Variants in RPS6KC1 observed in about 807,000 individuals in gnomAD.
RPS6KC1 encodes the protein ribosomal protein S6 kinase C1, also known as inactive ribosomal protein S6 kinase delta-1.
RPS6KC1 carries 54 observed loss-of-function variants against 103.8 expected under a neutral mutation model. The ratio of observed to expected loss-of-function variants is 0.52; its 90% CI spans 0.42 to 0.65. The LOEUF is 0.65. Among genes scored for constraint, RPS6KC1 ranks in the 30% least tolerant of loss-of-function variants. The pLI is 0.00. For missense variants in RPS6KC1, 1,151 were observed against 1,253.8 expected, an observed-to-expected ratio of 0.92 and a Z score of 1.24; for synonymous variants, 439 against 438.7, an observed-to-expected ratio of 1.00 and a Z score of -0.01.
At chr1:213,833,859 C>A in the RPS6KC1 span, among the ~76,000 whole-genome samples, 1 of 152,120 alleles carries the variant, frequency 6.6e-6, no homozygotes, top group African/African-American at 2.4e-5. Context: ...TTTTGAGTCT[C>A]ATTTACACCA....
the RPS6KC1 span, among the ~76,000 whole-genome samples, chr1:213,754,954 G>C: frequency 6.6e-6 from 1 of 152,146 alleles, no homozygotes; most frequent in Non-Finnish European, 1.5e-5. Context: ...ATTATCTTTT[G>C]CTTAATTTAA....
chr1:213,711,626 G>T, the RPS6KC1 span, among the ~76,000 whole-genome samples: 2 of 152,094 alleles, frequency 1.3e-5, no homozygotes, highest in Non-Finnish European at 1.5e-5. Flanking sequence ...TTTTGTGCTG[G>T]TTTTTCCTCA....
the RPS6KC1 span, among the ~76,000 whole-genome samples, chr1:213,369,504 G>T: frequency 6.6e-6 from 1 of 152,202 alleles, no homozygotes; most frequent in Non-Finnish European, 1.5e-5. Context: ...AGCCAAGCTC[G>T]CAATTCCACT....
chr1:213,307,956 TCTGTGCCAGCCTTGAGTGGTCACAGGG>T, the RPS6KC1 span, among the ~76,000 whole-genome samples: 1 of 152,156 alleles, frequency 6.6e-6, no homozygotes, highest in Non-Finnish European at 1.5e-5. Context: ...CAAGTCAAGG[TCTGTGCCAGCCTTGAGTGGTCACAGGG>T]CTGTTCAATG....
the RPS6KC1 span, chr1:213,839,840 G>T: frequency 6.6e-6 from 1 of 152,138 alleles, no homozygotes; most frequent in East Asian, 1.9e-4. Context: ...TAGGGTTATT[G>T]TGGGGCTTAA....
chr1:213,088,984 T>G (rs1413665578), intron 3 of RPS6KC1, among the ~76,000 whole-genome samples: 1 of 152,250 alleles, frequency 6.6e-6, no homozygotes, highest in African/African-American at 2.4e-5. Flanking sequence ...TGTGCCAGAA[T>G]GAAGTGATCA....
chr1:213,247,037 G>A (rs558850895), intron 12 of RPS6KC1, among the ~76,000 whole-genome samples: 1 of 152,300 alleles, frequency 6.6e-6, no homozygotes, highest in South Asian at 2.1e-4. Flanking sequence ...TCCTATCAGT[G>A]TGTGTCCTTC....
the RPS6KC1 span, among the ~76,000 whole-genome samples, chr1:213,699,396 T>A: frequency 6.6e-6 from 1 of 152,194 alleles, no homozygotes; most frequent in African/African-American, 2.4e-5. Context: ...CAGGATCTCA[T>A]TTTTTAATGG....
intron 8 of RPS6KC1, among the ~76,000 whole-genome samples, chr1:213,225,558 T>C (rs1459044072): frequency 6.6e-6 from 1 of 152,050 alleles, no homozygotes; most frequent in African/African-American, 2.4e-5. Context: ...CCGGCTAATT[T>C]TTGTATTTTT....
At position 213,188,945 on chromosome 1, in the gene RPS6KC1, GTCAC is replaced by G. The variant is rs1286392855; in HGVS notation, c.1044+12456_1044+12459del. On this transcript the variant is annotated intron_variant, in intron 8 of 14. Coordinates refer to ENST00000366960, the MANE Select transcript of RPS6KC1 (RefSeq NM_012424.6). ...TTTCAAAAAAGAGTAAGGTGGGAGAGTCACTCTGTTTGATTTCATGACTTTACAG... is the reference window on the plus strand; with the variant it reads ...TTTCAAAAAAGAGTAAGGTGGGAGAGTCTGTTTGATTTCATGACTTTACAG... Among the ~76,000 whole-genome samples, 5 of 152,066 alleles carry G rather than the reference GTCAC, an allele frequency of 3.3e-5. No homozygotes were observed. The East Asian group carries it at 7.8e-4, about 24-fold the overall frequency.
the RPS6KC1 span, among the ~76,000 whole-genome samples, chr1:213,719,403 G>C: frequency 1.3e-5 from 2 of 152,062 alleles, no homozygotes; most frequent in Non-Finnish European, 2.9e-5. Flanking sequence ...TTAGAACAGT[G>C]ACTTTAAACT....
At chr1:213,351,193 C>T in the RPS6KC1 span, among the ~76,000 whole-genome samples, 3 of 152,110 alleles carry the variant, frequency 2.0e-5, no homozygotes, top group South Asian at 6.2e-4. Flanking sequence ...AATTACAGGG[C>T]TAGATTTTGA....
the RPS6KC1 span, among the ~76,000 whole-genome samples, chr1:213,498,594 A>G: frequency 7.6e-4 from 116 of 151,740 alleles, 1 homozygote; most frequent in African/African-American, 1.8e-3. Context: ...AGCTGGGACT[A>G]CAGGCGCCTG....
the RPS6KC1 span, among the ~76,000 whole-genome samples, chr1:213,354,560 T>G: frequency 2.0e-5 from 3 of 152,178 alleles, no homozygotes; most frequent in African/African-American, 7.2e-5. Flanking sequence ...AAAAGGAATT[T>G]ATTTCTTATA....
chr1:213,297,458 G>T, the RPS6KC1 span, among the ~76,000 whole-genome samples: 3 of 152,176 alleles, frequency 2.0e-5, no homozygotes, highest in Non-Finnish European at 4.4e-5. Flanking sequence ...TCTGCTTACA[G>T]TGCCTGGAAA....
the RPS6KC1 span, among the ~76,000 whole-genome samples, chr1:213,728,103 C>T: frequency 6.6e-6 from 1 of 151,692 alleles, no homozygotes; most frequent in Non-Finnish European, 1.5e-5. Flanking sequence ...GTGGAGAAGC[C>T]GAGGAGTAAA....
the RPS6KC1 span, among the ~76,000 whole-genome samples, chr1:213,422,063 T>G: frequency 3.3e-5 from 5 of 152,366 alleles, no homozygotes; most frequent in African/African-American, 1.2e-4. Context: ...GAAACCATTT[T>G]AAAGTGTACA....
the RPS6KC1 span, among the ~76,000 whole-genome samples, chr1:213,612,666 T>C: frequency 6.6e-6 from 1 of 152,236 alleles, no homozygotes; most frequent in African/African-American, 2.4e-5. Flanking sequence ...AGTCCATTTC[T>C]CTCCAATTAA....
At chr1:213,668,826 G>A in the RPS6KC1 span, among the ~76,000 whole-genome samples, 2 of 152,156 alleles carry the variant, frequency 1.3e-5, no homozygotes, top group Non-Finnish European at 1.5e-5. Context: ...AACACTTGCT[G>A]CCTCTTTTTG....
Sources: allele counts gnomAD v4.1 joint callset (sites outside exome capture counted in the v4.1 genomes callset), GRCh38; gene constraint gnomAD v4.1.1; transcripts MANE v1.5; gene names NCBI Gene and HGNC (gene_info 2026-07-23, HGNC 2026-07-21).